Variants in TTL observed in about 807,000 individuals in gnomAD.
TTL encodes the protein tubulin--tyrosine ligase.
In TTL, 10 loss-of-function variants were observed where a neutral mutation model predicts 41.1. That is an observed-to-expected ratio of 0.24 (90% CI 0.15 to 0.41). The LOEUF (loss-of-function observed/expected upper bound fraction) is 0.41. Ranked by LOEUF, TTL falls within the 10% of genes least tolerant of loss-of-function variation. The pLI, the probability that TTL is intolerant of heterozygous loss-of-function variation, is 1.00. For synonymous variants in TTL, 175 were observed against 175.5 expected (o/e 1.00, Z 0.02); for missense variants, 367 against 460.4 (o/e 0.80, Z 1.86).
chr2:112,509,074 G>T (rs989018690), intron 5 of TTL, among the ~76,000 whole-genome samples: 5 of 116,604 alleles, frequency 4.3e-5, no homozygotes, highest in Non-Finnish European at 8.8e-5. Context: ...ATACCCTGCT[G>T]TGTGAGGTGT....
rs1681103254 is a variant in TTL, at chr2:112,482,202, G to A, written c.-143G>A. On this transcript the variant is annotated 5_prime_UTR_variant, in exon 1 of 7. Transcript: ENST00000233336. The surrounding 1 kb of genome is among the most constrained non-coding windows in gnomAD (Gnocchi z 5.3). Reference sequence around the variant, plus strand: ...CGGGCGCCCGGGCGCGGCGCCGCCGGCACCCGAGAGGCGCGGTAGCCGGCG... The same window carrying A: ...CGGGCGCCCGGGCGCGGCGCCGCCGACACCCGAGAGGCGCGGTAGCCGGCG... The A allele has an allele frequency of 4.6e-6, 2 of 435,378 alleles. No homozygotes were observed. Among genetic ancestry groups the A allele is most frequent in the Non-Finnish European group, 6.0e-6 (2 of 330,918 alleles). The allele number at this position is 435,378 out of a possible 1,614,324, so 27.0% of individuals were successfully genotyped here. A position where few individuals can be genotyped will look rare whatever the true frequency, so the allele number is the denominator to read the frequency against.
rs113719289 is a variant in TTL at position 112,521,922 on chromosome 2, C to T, written c.1019+1497C>T. ...AAACGCAAGTTAGATGGGCTAAGGG[C>T]GGAATAAGGCAGGGATCCGCACCTT... On this transcript the variant is annotated intron_variant, in intron 6 of 6. Coordinates refer to ENST00000233336, the MANE Select transcript of TTL (RefSeq NM_153712.5). Among the ~76,000 whole-genome samples, 426 of 152,242 alleles carry T rather than the reference C, an allele frequency of 2.8e-3. 3 individuals are homozygous for T. The highest frequency in any genetic ancestry group is 9.3e-3 in the African/African-American group (388 of 41,550).
rs893268307 is a variant in TTL at position 112,482,686 on chromosome 2, A to C, written c.157+185A>C. Among the ~76,000 whole-genome samples, 4 of 152,154 alleles carry C rather than the reference A, an allele frequency of 2.6e-5. No homozygotes were observed. Among genetic ancestry groups the C allele is most frequent in the African/African-American group, 9.6e-5 (4 of 41,452 alleles). On this transcript the variant is annotated intron_variant, in intron 1 of 6. Transcript: ENST00000233336. This position sits in a 1 kb window ranked among gnomAD's most constrained non-coding sequence, Gnocchi z 5.3. ...CGTTTTTAATGCTTTCTTGTCTCCTAACTTGGATTTAGAGTCGGAGTCGCG... is the reference window on the plus strand; with the variant it reads ...CGTTTTTAATGCTTTCTTGTCTCCTCACTTGGATTTAGAGTCGGAGTCGCG...
chr2:112,519,547 CAT>C (rs1682163000), intron 5 of TTL, among the ~76,000 whole-genome samples: 1 of 137,032 alleles, frequency 7.3e-6, no homozygotes. Context: ...GTGAGGTCAA[CAT>C]GTTTTTTTTT....
chr2:112,493,009 G>A (rs1681431239), intron 2 of TTL, among the ~76,000 whole-genome samples: 1 of 152,172 alleles, frequency 6.6e-6, no homozygotes, highest in African/African-American at 2.4e-5. Context: ...CACTGGATGG[G>A]ACAATGCAGA....
rs1326236513 is a variant in TTL at position 112,496,663 on chromosome 2, G to GTC, written c.469+2290_469+2291dup. On this transcript the variant is annotated intron_variant, in intron 3 of 6. Coordinates refer to ENST00000233336, the MANE Select transcript of TTL (RefSeq NM_153712.5). ...AATTTTTTATTTTATATATATATGT[G>GTC]TCTGTGTGTGTGTGTGTGTGTGTGT... Among the ~76,000 whole-genome samples the GTC allele has an allele frequency of 3.7e-5, 4 of 109,088 alleles. No individual in the cohort carries two copies. In the East Asian group the frequency reaches 8.3e-4, roughly 23 times the overall value. 71.6% of individuals were successfully genotyped at this position (109,088 alleles called of 152,430 possible). A position where few individuals can be genotyped will look rare whatever the true frequency, so the allele number is the denominator to read the frequency against.
chr2:112,525,379 G>A (rs1296331810), intron 6 of TTL, among the ~76,000 whole-genome samples: 1 of 152,098 alleles, frequency 6.6e-6, no homozygotes, highest in East Asian at 1.9e-4. Context: ...AATTACCTTG[G>A]GTAGTATGGC....
At chr2:112,496,659 ATGTGTCTGTGTGTG>A (rs1681533377) in intron 3 of TTL, among the ~76,000 whole-genome samples, 1 of 121,394 alleles carries the variant, frequency 8.2e-6, no homozygotes, top group Non-Finnish European at 1.7e-5. Flanking sequence ...TTATATATAT[ATGTGTCTGTGTGTG>A]TGTGTGTGTG....
In TTL at chr2:112,535,112, A is replaced by G. The variant is rs1306088481; in HGVS notation, c.*6317A>G. 6.6e-6 allele frequency: 1 copy of G among 152,222 alleles called. No individual in the cohort carries two copies. Among genetic ancestry groups the G allele is most frequent in the Non-Finnish European group, 1.5e-5 (1 of 68,040 alleles). The allele number at this position is 152,222 out of a possible 1,614,324, so 9.4% of individuals were successfully genotyped here. On this transcript the variant is annotated 3_prime_UTR_variant, in exon 7 of 7. Transcript: ENST00000233336. ...AAAAAAGGAAAGAAAGTTAGTTTAT[A>G]AAATAGAACCAAGTAGAAATTTTAG...
intron 5 of TTL, among the ~76,000 whole-genome samples, chr2:112,517,156 CA>C (rs33990458): frequency 0.13 from 13,192 of 105,296 alleles, 501 homozygotes; most frequent in Non-Finnish European, 0.17. Flanking sequence ...GAGCTTTCAG[CA>C]AAAAAAAAAA....
intron 5 of TTL, among the ~76,000 whole-genome samples, chr2:112,509,514 A>T (rs1009196247): frequency 6.6e-6 from 1 of 152,164 alleles, no homozygotes; most frequent in Non-Finnish European, 1.5e-5. Flanking sequence ...ATATAATCTC[A>T]TGGTGCGCCG....
Position 112,529,299 on chromosome 2 carries a change from A to G in TTL, c.*504A>G. 8.5e-6 allele frequency: 2 copies of G among 234,242 alleles called. No homozygotes were observed. The highest frequency in any genetic ancestry group is 4.4e-5 in the African/African-American group (2 of 45,356). The allele number at this position is 234,242 out of a possible 1,614,324, so 14.5% of individuals were successfully genotyped here. Reference sequence around the variant, plus strand: ...AACAGTCCTTAGTTTTGTGCTGTGCACTGGCCTCTCGGCAAAGGTGGTTTC... The same window carrying G: ...AACAGTCCTTAGTTTTGTGCTGTGCGCTGGCCTCTCGGCAAAGGTGGTTTC... On this transcript the variant is annotated 3_prime_UTR_variant, in exon 7 of 7. Transcript: ENST00000233336.
intron 1 of TTL, among the ~76,000 whole-genome samples, chr2:112,484,947 TTTTTA>T (rs1681201106): frequency 6.6e-6 from 1 of 152,164 alleles, no homozygotes; most frequent in Non-Finnish European, 1.5e-5. Flanking sequence ...AACAAAACAT[TTTTTA>T]TTTTATTTTA....
intron 3 of TTL, among the ~76,000 whole-genome samples, chr2:112,497,920 A>G (rs764875571): frequency 6.4e-4 from 98 of 152,360 alleles, no homozygotes; most frequent in Admixed American, 1.6e-3. Context: ...AGTGGTGACA[A>G]CTCACTAAAG....
intron 2 of TTL, among the ~76,000 whole-genome samples, chr2:112,490,105 T>TA (rs1418978911): frequency 1.3e-5 from 2 of 152,136 alleles, no homozygotes; most frequent in Non-Finnish European, 2.9e-5. Flanking sequence ...CCGTGACACT[T>TA]AGAGTCTGCT....
At position 112,482,607 on chromosome 2, in the gene TTL, C is replaced by T. The variant is rs866107739; in HGVS notation, c.157+106C>T. The T allele has an allele frequency of 1.3e-5, 16 of 1,237,212 alleles. No homozygotes were observed. Among genetic ancestry groups the T allele is most frequent in the South Asian group, 3.4e-5 (2 of 58,870 alleles). 76.6% of individuals were successfully genotyped at this position (1,237,212 alleles called of 1,614,324 possible). ...TGTTTTTAAAGGTCATACATTTTCT[C>T]CTCTGTCGCTTGTCGGGCACATCAG... On this transcript the variant is annotated intron_variant, in intron 1 of 6. Transcript: ENST00000233336. The surrounding 1 kb of genome is among the most constrained non-coding windows in gnomAD (Gnocchi z 5.3).
intron 1 of TTL, chr2:112,483,890 G>C (rs189097696): frequency 6.6e-6 from 1 of 152,138 alleles, no homozygotes; most frequent in Non-Finnish European, 1.5e-5. Flanking sequence ...TTGGTTAACC[G>C]GTGTCAGGAA....
intron 3 of TTL, among the ~76,000 whole-genome samples, chr2:112,498,341 T>C (rs1246983011): frequency 6.6e-6 from 1 of 151,908 alleles, no homozygotes; most frequent in African/African-American, 2.4e-5. Flanking sequence ...ACCAAAAAAC[T>C]ACAGTACTAC....
At chr2:112,493,258 G>A (rs1448540291) in intron 2 of TTL, among the ~76,000 whole-genome samples, 5 of 152,134 alleles carry the variant, frequency 3.3e-5, no homozygotes, top group African/African-American at 4.8e-5. Flanking sequence ...GAAGGCCAGT[G>A]CATGTCTGTG....
Sources: allele counts gnomAD v4.1 joint callset (sites outside exome capture counted in the v4.1 genomes callset), GRCh38; gene constraint gnomAD v4.1.1; non-coding constraint Gnocchi (gnomAD v3.1); transcripts MANE v1.5; gene names NCBI Gene and HGNC (gene_info 2026-07-23, HGNC 2026-07-21).